Variants in NIBAN1 observed in about 807,000 individuals in gnomAD.
NIBAN1 encodes the protein niban apoptosis regulator 1.
A neutral mutation model predicts 75.1 loss-of-function variants in NIBAN1; 81 were observed. That is an observed-to-expected ratio of 1.08 (90% CI 0.90 to 1.30). The LOEUF is 1.30. Among genes scored for constraint, NIBAN1 ranks in the 50% most tolerant of loss-of-function variants. NIBAN1 has a pLI of 0.00. For synonymous variants in NIBAN1, 436 were observed against 424.8 expected, an observed-to-expected ratio of 1.03 and a Z score of -0.32; for missense variants, 1,133 against 1,128.1, an observed-to-expected ratio of 1.00 and a Z score of -0.06.
intron 1 of NIBAN1, among the ~76,000 whole-genome samples, chr1:184,941,939 C>T (rs1403120295): frequency 2.0e-5 from 3 of 152,144 alleles, no homozygotes; most frequent in South Asian, 2.1e-4. Flanking sequence ...TAATTTGTAA[C>T]AAATTTTTCG....
rs751390947 is a variant in NIBAN1 at position 184,816,068 on chromosome 1, T to C, written c.1173+2570A>G. Among the ~76,000 whole-genome samples, 4 of 152,228 alleles carry C rather than the reference T, an allele frequency of 2.6e-5. No homozygotes were observed. The South Asian group carries it at 8.3e-4, about 32-fold the overall frequency. On this transcript the variant is annotated intron_variant, in intron 9 of 13. Coordinates refer to ENST00000367511, the MANE Select transcript of NIBAN1 (RefSeq NM_052966.4). ...GGAGAAATACATCATATGTAGATTA[T>C]AAAAATCCAGCTGTAGGGGATTAAT...
intron 1 of NIBAN1, among the ~76,000 whole-genome samples, chr1:184,942,901 A>C (rs1221791232): frequency 2.0e-5 from 3 of 152,160 alleles, no homozygotes. Flanking sequence ...CTCGAAAATC[A>C]GGATGTTCCA....
At chr1:184,856,358 T>C (rs1317516623) in intron 5 of NIBAN1, among the ~76,000 whole-genome samples, 1 of 152,174 alleles carries the variant, frequency 6.6e-6, no homozygotes, top group Non-Finnish European at 1.5e-5. Context: ...ATCGGTATTT[T>C]CTCCCTAATG....
chr1:184,820,526 T>C (rs1654666974), intron 8 of NIBAN1, among the ~76,000 whole-genome samples: 1 of 152,246 alleles, frequency 6.6e-6, no homozygotes, highest in Admixed American at 6.5e-5. Flanking sequence ...CCCACACAGC[T>C]TCCTGAGCTG....
chr1:184,817,848 A>G (rs1380434910), intron 9 of NIBAN1, among the ~76,000 whole-genome samples: 3 of 152,260 alleles, frequency 2.0e-5, no homozygotes, highest in Admixed American at 6.5e-5. Context: ...ACCTATAACA[A>G]TAGTTGAGTT....
chr1:184,851,973 C>T (rs528587710), intron 5 of NIBAN1, among the ~76,000 whole-genome samples: 36 of 152,076 alleles, frequency 2.4e-4, no homozygotes, highest in Admixed American at 1.4e-3. Context: ...TTCCAAAGCC[C>T]AGCACGCGCC....
At chr1:184,845,705 T>A (rs1354798605) in intron 5 of NIBAN1, among the ~76,000 whole-genome samples, 2 of 51,560 alleles carry the variant, frequency 3.9e-5, no homozygotes, top group Admixed American at 2.1e-4. Context: ...CATTTCCATC[T>A]GAGGTACCGG....
intron 11 of NIBAN1, 139 bp from the exon 12 acceptor site, chr1:184,803,831 T>C (rs1654115107): frequency 7.5e-6 from 5 of 669,532 alleles, no homozygotes; most frequent in African/African-American, 1.8e-5. Context: ...GCCTCAGAGA[T>C]CTTTCCATGT....
intron 1 of NIBAN1, among the ~76,000 whole-genome samples, chr1:184,922,753 C>T (rs112306178): frequency 7.9e-5 from 12 of 152,198 alleles, no homozygotes; most frequent in African/African-American, 2.2e-4. Context: ...ATTACAGGCA[C>T]CTGCCATGAC....
chr1:184,804,390 G>T (rs1392966691), intron 11 of NIBAN1, among the ~76,000 whole-genome samples: 1 of 152,220 alleles, frequency 6.6e-6, no homozygotes, highest in East Asian at 1.9e-4. Flanking sequence ...ACCAAAGGCT[G>T]CCACGTGGAA....
At chr1:184,866,506 G>A (rs1655960801) in intron 5 of NIBAN1, among the ~76,000 whole-genome samples, 1 of 152,146 alleles carries the variant, frequency 6.6e-6, no homozygotes, top group Non-Finnish European at 1.5e-5. Context: ...ATGATAATGT[G>A]TAACAATCCA....
rs183455692 is a variant in NIBAN1 at position 184,924,720 on chromosome 1, G to A, written c.56-25411C>T. Among the ~76,000 whole-genome samples, 4 of 152,180 alleles carry A rather than the reference G, an allele frequency of 2.6e-5. No homozygotes were observed. In the East Asian group the frequency reaches 7.7e-4, roughly 29 times the overall value. ...GCTTTGATCTCATTACTTGTTATTG[G>A]TCTGTTCAAGTTTTGAATTTCTTCA... On this transcript the variant is annotated intron_variant, in intron 1 of 13. Transcript: ENST00000367511.
At chr1:184,924,693 C>T (rs1052134757) in intron 1 of NIBAN1, among the ~76,000 whole-genome samples, 1 of 152,056 alleles carries the variant, frequency 6.6e-6, no homozygotes, top group Admixed American at 6.5e-5. Flanking sequence ...ATATTTATTA[C>T]AGCTTTGATC....
intron 1 of NIBAN1, among the ~76,000 whole-genome samples, chr1:184,939,236 T>A (rs1263037801): frequency 6.6e-6 from 1 of 152,204 alleles, no homozygotes; most frequent in Non-Finnish European, 1.5e-5. Flanking sequence ...ACCACATCAG[T>A]GCCATAAACA....
chr1:184,941,378 A>C (rs1658083171), intron 1 of NIBAN1, among the ~76,000 whole-genome samples: 1 of 152,188 alleles, frequency 6.6e-6, no homozygotes, highest in South Asian at 2.1e-4. Context: ...AGCCGGGTGC[A>C]GTGGTTCACA....
chr1:184,932,633 C>T (rs535340160), intron 1 of NIBAN1, among the ~76,000 whole-genome samples: 8 of 152,210 alleles, frequency 5.3e-5, no homozygotes, highest in South Asian at 2.1e-4. Context: ...CATGGCCTGG[C>T]GGTTGGGAAC....
At chr1:184,865,366 C>A (rs1342119274) in intron 5 of NIBAN1, among the ~76,000 whole-genome samples, 1 of 152,098 alleles carries the variant, frequency 6.6e-6, no homozygotes, top group African/African-American at 2.4e-5. Context: ...AGCAGAAAAC[C>A]AAATACCTCA....
At chr1:184,948,764 C>T (rs980504520) in intron 1 of NIBAN1, among the ~76,000 whole-genome samples, 1 of 151,556 alleles carries the variant, frequency 6.6e-6, no homozygotes, top group Non-Finnish European at 1.5e-5. Context: ...GGCAGTATAC[C>T]GATTTGTACA....
chr1:184,852,594 G>A (rs1335615345), intron 5 of NIBAN1, among the ~76,000 whole-genome samples: 1 of 152,142 alleles, frequency 6.6e-6, no homozygotes. Context: ...CATTTCAAGT[G>A]GAAGGCTGAC....
Sources: allele counts gnomAD v4.1 joint callset (sites outside exome capture counted in the v4.1 genomes callset), GRCh38; gene constraint gnomAD v4.1.1; transcripts MANE v1.5; gene names NCBI Gene and HGNC (gene_info 2026-07-23, HGNC 2026-07-21).